SLC39A8: variants seen among roughly 807,000 people sequenced by gnomAD.
SLC39A8 encodes the protein solute carrier family 39 member 8.
Under a neutral mutation model 40.4 loss-of-function variants are expected in SLC39A8, and 15 were observed. The observed-to-expected ratio is 0.37, with a 90% confidence interval of 0.25 to 0.57. The LOEUF is 0.57. SLC39A8 is among the 20% of genes least tolerant of loss of function. The pLI, the probability that SLC39A8 is intolerant of heterozygous loss-of-function variation, is 0.75. For synonymous variants in SLC39A8, 223 were observed against 221.6 expected, an observed-to-expected ratio of 1.01 and a Z score of -0.06; for missense variants, 472 against 558.8, an observed-to-expected ratio of 0.84 and a Z score of 1.57.
At chr4:102,320,300 A>ATATATGAGTATATATATGAGAATG (rs1734875305) in intron 2 of SLC39A8, among the ~76,000 whole-genome samples, 1 of 110,994 alleles carries the variant, frequency 9.0e-6, no homozygotes, top group African/African-American at 3.7e-5. Context: ...ATATGAGAAT[A>ATATATGAGTATATATATGAGAATG]TATATATGAG....
intron 6 of SLC39A8, among the ~76,000 whole-genome samples, chr4:102,272,844 C>T (rs576524665): frequency 3.3e-5 from 5 of 152,096 alleles, no homozygotes; most frequent in East Asian, 1.9e-4. Flanking sequence ...TGCAAGGAGC[C>T]GGGGACCTCC....
At chr4:102,334,843 T>C (rs184119118) in intron 2 of SLC39A8, among the ~76,000 whole-genome samples, 3 of 152,326 alleles carry the variant, frequency 2.0e-5, no homozygotes, top group Admixed American at 2.0e-4. Flanking sequence ...TTACTTAACC[T>C]ACCTAAGGTT....
In SLC39A8 at chr4:102,261,896, G is replaced by C. The variant is rs1731876317; in HGVS notation, c.*1148C>G. On this transcript the variant is annotated 3_prime_UTR_variant, in exon 9 of 9. Transcript: ENST00000356736. ...TAAGTGACTTGGGAGTGTGAATCTA[G>C]GATGTTCAATTTTAGACCAATTTTC... is the stretch of plus-strand genomic sequence containing the variant. 1 of 985,124 alleles carries C rather than the reference G, an allele frequency of 1.0e-6. No homozygotes were observed. Among genetic ancestry groups the C allele is most frequent in the Admixed American group, 6.2e-5 (1 of 16,242 alleles). 61.0% of individuals were successfully genotyped at this position (985,124 alleles called of 1,614,324 possible).
At chr4:102,298,536 T>G (rs1334289769) in intron 6 of SLC39A8, among the ~76,000 whole-genome samples, 1 of 152,134 alleles carries the variant, frequency 6.6e-6, no homozygotes, top group Non-Finnish European at 1.5e-5. Context: ...GGAAATTAAC[T>G]AATTTCTGTT....
chr4:102,307,479 A>G lies in SLC39A8; in HGVS notation c.509T>C (p.Ile170Thr). The G allele has an allele frequency of 6.2e-7, 1 of 1,613,528 alleles. No individual in the cohort carries two copies. Among genetic ancestry groups the G allele is most frequent in the Non-Finnish European group, 8.5e-7 (1 of 1,179,638 alleles). The change falls in exon 4 of 9, where the codon ATT becomes ACT. Residue 170 changes from isoleucine (I) to threonine (T), a missense_variant. By Grantham distance (89) the Ile-to-Thr change is moderately conservative. This residue lies in a region of SLC39A8 where 239 missense variants were observed against 317.9 expected (regional missense o/e 0.75). Coordinates refer to ENST00000356736, the MANE Select transcript of SLC39A8 (RefSeq NM_001135146.2). ...AATTGCATTTGAAAAAAGAGTCCCA[A>G]TAGCCAGCCCCACAAAAAAGGTCAA... ...KILTFFVGLAIGTLFSNAIFQ... is the reference protein window; with the variant it reads ...KILTFFVGLATGTLFSNAIFQ...
At chr4:102,327,927 T>C (rs999995267) in intron 2 of SLC39A8, among the ~76,000 whole-genome samples, 2 of 152,204 alleles carry the variant, frequency 1.3e-5, no homozygotes. Context: ...GAAACTTTCC[T>C]AGAATCAGTT....
chr4:102,258,165 C>T (rs772536912), downstream of SLC39A8, among the ~76,000 whole-genome samples: 5 of 147,450 alleles, frequency 3.4e-5, no homozygotes, highest in Non-Finnish European at 7.4e-5. Flanking sequence ...AGTGCAGTGG[C>T]GCGATCTCGG....
At chr4:102,338,110 T>C (rs187165328) in intron 2 of SLC39A8, among the ~76,000 whole-genome samples, 5 of 152,288 alleles carry the variant, frequency 3.3e-5, no homozygotes, top group Admixed American at 6.5e-5. Context: ...CCTTGTGATA[T>C]GTTTTACAAT....
At position 102,307,575 on chromosome 4, in the gene SLC39A8, A is replaced by T; in HGVS notation, c.413T>A (p.Ile138Asn). ...TCCGAGGAGAGATGCCAGATTAATA[A>T]TCGTCACTGACAGGAATCCATATCC... ...VWGYGFLSVT[I>N]INLASLLGLI... Residue 138 changes from isoleucine to asparagine, a missense_variant, in exon 4 of 9, where the codon ATT (isoleucine) becomes AAT (asparagine). Coordinates refer to ENST00000356736, the MANE Select transcript of SLC39A8 (RefSeq NM_001135146.2). 6.2e-7 allele frequency: 1 copy of T among 1,613,380 alleles called. No individual in the cohort carries two copies. The highest frequency in any genetic ancestry group is 8.5e-7 in the Non-Finnish European group (1 of 1,179,560).
At chr4:102,305,701 C>T (rs978904039) in intron 4 of SLC39A8, among the ~76,000 whole-genome samples, 4 of 152,048 alleles carry the variant, frequency 2.6e-5, no homozygotes, top group African/African-American at 9.7e-5. Context: ...ACCACTCTCT[C>T]TCTCTCTTTC....
intron 2 of SLC39A8, among the ~76,000 whole-genome samples, chr4:102,320,300 A>ATATATATGAGTATATATATATGAGAATG (rs1560561134): frequency 2.6e-4 from 29 of 111,008 alleles, no homozygotes; most frequent in African/African-American, 7.3e-4. Flanking sequence ...ATATGAGAAT[A>ATATATATGAGTATATATATATGAGAATG]TATATATGAG....
chr4:102,276,815 G>A (rs1732636623), intron 6 of SLC39A8, among the ~76,000 whole-genome samples: 1 of 152,142 alleles, frequency 6.6e-6, no homozygotes, highest in Non-Finnish European at 1.5e-5. Context: ...TCATCCCTGG[G>A]ATGCGAGGAT....
chr4:102,325,673 AT>A (rs905509174), intron 2 of SLC39A8, among the ~76,000 whole-genome samples: 59 of 151,976 alleles, frequency 3.9e-4, no homozygotes, highest in African/African-American at 1.4e-3. Context: ...GTGTGGTTTT[AT>A]TTTTTTTCCT....
chr4:102,289,713 G>A (rs1046359599), intron 6 of SLC39A8, among the ~76,000 whole-genome samples: 8 of 152,076 alleles, frequency 5.3e-5, no homozygotes, highest in African/African-American at 9.7e-5. Context: ...GTAGGTGTAC[G>A]GGAAATAGCA....
At chr4:102,305,772 A>G (rs1734143897) in intron 4 of SLC39A8, among the ~76,000 whole-genome samples, 1 of 152,078 alleles carries the variant, frequency 6.6e-6, no homozygotes, top group South Asian at 2.1e-4. Flanking sequence ...AACTGGAGTT[A>G]GAGTTTGAAG....
At chr4:102,267,317 A>G (rs1316625784) in intron 8 of SLC39A8, among the ~76,000 whole-genome samples, 173 bp downstream of exon 8, 1 of 152,246 alleles carries the variant, frequency 6.6e-6, no homozygotes, top group Non-Finnish European at 1.5e-5. Context: ...TCAAATTACT[A>G]TTAGTGTAAA....
chr4:102,280,575 G>A (rs1015315354), intron 6 of SLC39A8, among the ~76,000 whole-genome samples: 1 of 152,146 alleles, frequency 6.6e-6, no homozygotes, highest in African/African-American at 2.4e-5. Context: ...GTATTTTATA[G>A]CTGGTGATTA....
intron 6 of SLC39A8, among the ~76,000 whole-genome samples, chr4:102,269,193 G>C (rs1014510931): frequency 6.6e-6 from 1 of 151,832 alleles, no homozygotes; most frequent in African/African-American, 2.4e-5. Context: ...ATATCCAACA[G>C]AGAGGGGCTT....
At chr4:102,333,741 T>C (rs1735562175) in intron 2 of SLC39A8, among the ~76,000 whole-genome samples, 1 of 152,174 alleles carries the variant, frequency 6.6e-6, no homozygotes, top group Non-Finnish European at 1.5e-5. Flanking sequence ...AGCCAACTCA[T>C]GTAGAAAGCA....
Sources: gnomAD v4.1 joint callset for allele counts (sites outside exome capture counted in the v4.1 genomes callset) on GRCh38, gnomAD v4.1.1 for gene constraint, gnomAD v4.1.1 regional missense constraint, MANE v1.5 for transcripts, NCBI Gene and HGNC (gene_info 2026-07-23, HGNC 2026-07-21) for gene names.